OXCT1: variants seen among roughly 807,000 people sequenced by gnomAD.
OXCT1 encodes the protein 3-oxoacid CoA-transferase 1.
In OXCT1, 27 loss-of-function variants were observed where a neutral mutation model predicts 69.6. The ratio of observed to expected loss-of-function variants is 0.39; its 90% CI spans 0.29 to 0.54. The LOEUF (loss-of-function observed/expected upper bound fraction) is 0.54. OXCT1 is among the 20% of genes least tolerant of loss of function. OXCT1 has a pLI of 0.72. For missense variants in OXCT1, 437 were observed against 650.2 expected (o/e 0.67, Z 3.57); for synonymous variants, 202 against 217.8 (o/e 0.93, Z 0.64).
chr5:41,829,648 T>C (rs1348263694), intron 7 of OXCT1, among the ~76,000 whole-genome samples: 1 of 152,222 alleles, frequency 6.6e-6, no homozygotes, highest in Admixed American at 6.5e-5. Context: ...TATTCTGCTA[T>C]TCTTCTGGGT....
At chr5:41,818,731 C>T (rs934997669) in intron 7 of OXCT1, among the ~76,000 whole-genome samples, 1 of 152,110 alleles carries the variant, frequency 6.6e-6, no homozygotes, top group African/African-American at 2.4e-5. Flanking sequence ...CTGCCATATG[C>T]TGCATGCTCA....
chr5:41,838,913 AT>A (rs1053165562), intron 7 of OXCT1, among the ~76,000 whole-genome samples: 12 of 152,256 alleles, frequency 7.9e-5, no homozygotes, highest in African/African-American at 2.9e-4. Context: ...CATAATTTTA[AT>A]TTTATAAGTC....
intron 1 of OXCT1, among the ~76,000 whole-genome samples, chr5:41,867,758 T>C (rs1318493499): frequency 6.6e-6 from 1 of 152,192 alleles, no homozygotes; most frequent in Non-Finnish European, 1.5e-5. Context: ...AGTCAGAGGT[T>C]GGAAAGAGAT....
intron 14 of OXCT1, among the ~76,000 whole-genome samples, chr5:41,761,269 G>T (rs1744333116): frequency 6.6e-6 from 1 of 152,072 alleles, no homozygotes; most frequent in Non-Finnish European, 1.5e-5. Flanking sequence ...TGGAATCAGA[G>T]ACACCAGGTC....
chr5:41,774,459 G>A (rs556084100), intron 13 of OXCT1, among the ~76,000 whole-genome samples: 2 of 152,284 alleles, frequency 1.3e-5, no homozygotes, highest in South Asian at 2.1e-4. Flanking sequence ...AGGGGCACAA[G>A]AAATATAAGA....
intron 13 of OXCT1, among the ~76,000 whole-genome samples, chr5:41,768,070 A>G (rs1744703771): frequency 6.6e-6 from 1 of 152,092 alleles, no homozygotes; most frequent in South Asian, 2.1e-4. Context: ...TGCAAGTTTC[A>G]GACTTCGATA....
intron 10 of OXCT1, among the ~76,000 whole-genome samples, chr5:41,801,435 T>C (rs1029993931): frequency 6.6e-6 from 1 of 152,176 alleles, no homozygotes; most frequent in African/African-American, 2.4e-5. Context: ...GGCTCATGCC[T>C]GTAATCTCAG....
In OXCT1 at chr5:41,865,253, C is replaced by G. The variant is rs1749909574; in HGVS notation, c.79-2503G>C. The stretch of plus-strand genomic sequence containing the variant: ...CCTCTCCCCTGCCCACAAATAAAAG[C>G]ATATAACTACAGGCTTGTCAAGAAT... On this transcript the variant is annotated intron_variant, in intron 1 of 16. Transcript: ENST00000196371. Among the ~76,000 whole-genome samples, 4 of 152,140 alleles carry G rather than the reference C, an allele frequency of 2.6e-5. 1 individual carries two copies. In the South Asian group the frequency reaches 8.3e-4, roughly 31 times the overall value.
intron 7 of OXCT1, among the ~76,000 whole-genome samples, chr5:41,834,974 T>C (rs909536313): frequency 9.3e-5 from 14 of 151,270 alleles, no homozygotes; most frequent in Admixed American, 4.0e-4. Flanking sequence ...AAAAGAAATA[T>C]AGATCAGAGC....
intron 15 of OXCT1, among the ~76,000 whole-genome samples, chr5:41,745,639 T>C (rs1743443530): frequency 6.6e-6 from 1 of 151,488 alleles, no homozygotes; most frequent in South Asian, 2.1e-4. Context: ...TCAACAAAAT[T>C]GATAGACCGC....
At chr5:41,836,511 T>C (rs528134967) in intron 7 of OXCT1, among the ~76,000 whole-genome samples, 1 of 152,168 alleles carries the variant, frequency 6.6e-6, no homozygotes, top group Non-Finnish European at 1.5e-5. Flanking sequence ...AGAAAAGTGG[T>C]CCCCAGCTTT....
intron 7 of OXCT1, among the ~76,000 whole-genome samples, chr5:41,838,014 T>C (rs1481510852): frequency 6.6e-6 from 1 of 152,244 alleles, no homozygotes; most frequent in Non-Finnish European, 1.5e-5. Flanking sequence ...GCATTTTGCA[T>C]GCAGAAGAAT....
At chr5:41,864,379 CT>C (rs995308444) in intron 1 of OXCT1, among the ~76,000 whole-genome samples, 2 of 152,162 alleles carry the variant, frequency 1.3e-5, no homozygotes, top group Non-Finnish European at 2.9e-5. Flanking sequence ...TTTTCTTCCC[CT>C]AAAAATATGC....
intron 13 of OXCT1, among the ~76,000 whole-genome samples, chr5:41,788,662 A>G (rs1745764988): frequency 6.6e-6 from 1 of 152,188 alleles, no homozygotes; most frequent in Non-Finnish European, 1.5e-5. Flanking sequence ...ATAAAGGAAA[A>G]AGTGGTATAA....
At chr5:41,738,418 G>C (rs948805355) in intron 16 of OXCT1, among the ~76,000 whole-genome samples, 1 of 152,114 alleles carries the variant, frequency 6.6e-6, no homozygotes, top group South Asian at 2.1e-4. Flanking sequence ...TAGTGAGTAA[G>C]TCTTTGATCT....
intron 11 of OXCT1, 121 bp downstream of exon 11, chr5:41,800,901 C>T: frequency 1.2e-6 from 1 of 858,888 alleles, no homozygotes. Context: ...GCTTATCTCT[C>T]CTCCTCAACA....
intron 3 of OXCT1, among the ~76,000 whole-genome samples, chr5:41,860,113 T>C (rs528894513): frequency 1.3e-5 from 2 of 152,072 alleles, no homozygotes; most frequent in African/African-American, 4.8e-5. Context: ...GCATAAGATA[T>C]GTTTAAGAGT....
chr5:41,815,226 G>T (rs913370895), intron 7 of OXCT1, among the ~76,000 whole-genome samples: 2 of 152,022 alleles, frequency 1.3e-5, no homozygotes, highest in African/African-American at 4.8e-5. Context: ...TAATGTGGAA[G>T]AATTGTTTTA....
At position 41,768,874 on chromosome 5, in the gene OXCT1, C is replaced by A. The variant is rs573820531; in HGVS notation, c.1249-6674G>T. Among the ~76,000 whole-genome samples, 7 of 152,284 alleles carry A rather than the reference C, an allele frequency of 4.6e-5. No individual in the cohort carries two copies. In the South Asian group the frequency reaches 1.0e-3, roughly 23 times the overall value. ...CAGGGTAAAGTCCAAGCACCTCAGCCTGGCATTCAAGGTCTGTAATAACCT... is the reference window on the plus strand; with the variant it reads ...CAGGGTAAAGTCCAAGCACCTCAGCATGGCATTCAAGGTCTGTAATAACCT... On this transcript the variant is annotated intron_variant, in intron 13 of 16. Coordinates refer to ENST00000196371, the MANE Select transcript of OXCT1 (RefSeq NM_000436.4).
Sources: allele counts gnomAD v4.1 joint callset (sites outside exome capture counted in the v4.1 genomes callset), GRCh38; gene constraint gnomAD v4.1.1; transcripts MANE v1.5; gene names NCBI Gene and HGNC (gene_info 2026-07-23, HGNC 2026-07-21).